The following CARS2 variants were observed in gnomAD, a reference collection of about 807,000 sequenced individuals.
The protein encoded by CARS2 is cysteinyl-tRNA synthetase 2, mitochondrial.
A neutral mutation model predicts 68.8 loss-of-function variants in CARS2; 52 were observed. That is an observed-to-expected ratio of 0.76 (90% CI 0.61 to 0.95). CARS2 has a LOEUF of 0.95. CARS2 is among the 40% of genes least tolerant of loss of function. CARS2 has a pLI of 0.00. For synonymous variants in CARS2, 314 were observed against 303.6 expected, an observed-to-expected ratio of 1.03 and a Z score of -0.36; for missense variants, 780 against 754.2, an observed-to-expected ratio of 1.03 and a Z score of -0.40.
chr13:110,661,533 T>C lies in CARS2; in HGVS notation c.987+1918A>G, dbSNP rs573240939. On this transcript the variant is annotated intron_variant, in intron 9 of 14. Transcript: ENST00000257347. ...TAAGGTTGTTTTGCTTGCTAATCAT[T>C]CGTGTGTTCGCTGGAATAGCACTTT... Among the ~76,000 whole-genome samples the C allele has an allele frequency of 3.3e-5, 5 of 152,392 alleles. No individual in the cohort carries two copies. The East Asian group carries it at 9.6e-4, about 29-fold the overall frequency.
At chr13:110,650,764 C>T (rs758177695) in intron 10 of CARS2, 36 of 395,668 alleles carry the variant, frequency 9.1e-5, no homozygotes, top group Middle Eastern at 6.6e-4. Flanking sequence ...CGAGGTGCTG[C>T]GGGTTCACGA....
In CARS2 at chr13:110,651,110, C is replaced by T. The variant is rs568891064; in HGVS notation, c.988-10G>A. 7.5e-5 allele frequency: 120 copies of T among 1,609,306 alleles called. No individual in the cohort carries two copies. In the South Asian group the frequency reaches 7.9e-4, roughly 11 times the overall value. On this transcript the variant is annotated splice_polypyrimidine_tract_variant and intron_variant, in intron 9 of 14. Transcript: ENST00000257347. ...AGGTCTTCAGAAAGTCCTGGTAAAGCGAGAGACAGGCAGTCACGAGGCTTT... is the reference window on the plus strand; with the variant it reads ...AGGTCTTCAGAAAGTCCTGGTAAAGTGAGAGACAGGCAGTCACGAGGCTTT...
intron 8 of CARS2, chr13:110,663,995 C>G: frequency 1.0e-6 from 1 of 987,808 alleles, no homozygotes; most frequent in Middle Eastern, 5.2e-4. Flanking sequence ...AATCAGAGGT[C>G]CTGTTGCAGT....
chr13:110,705,980 G>C lies in CARS2; in HGVS notation c.114C>G (p.Arg38=). 1.3e-6 allele frequency: 2 copies of C among 1,509,054 alleles called. No individual in the cohort carries two copies. The highest frequency in any genetic ancestry group is 2.5e-5 in the South Asian group (2 of 80,472). 93.5% of individuals were successfully genotyped at this position (1,509,054 alleles called of 1,614,324 possible). ...CCGTGGGCTGCAGCCAGGCCCGCCC[G>C]CGCCCCCCGCTCGCCGCCCGGCCCG... ...WPAGRAASGG[R]GRAWLQPTGR... Residue 38 remains arginine, a synonymous_variant, in exon 1 of 15, where the codon CGC becomes CGG. Transcript: ENST00000257347. The surrounding 1 kb of genome is among the most constrained non-coding windows in gnomAD (Gnocchi z 4.0).
Position 110,646,378 on chromosome 13 carries a change from T to C in CARS2, c.1194-288A>G, listed in dbSNP as rs376626294. The stretch of plus-strand genomic sequence containing the variant: ...TGATGGTTTTAAAAATCAATAGATA[T>C]TGAGGGGAGTGGCAAGGAAGACTCG... On this transcript the variant is annotated intron_variant, in intron 11 of 14. Coordinates refer to ENST00000257347, the MANE Select transcript of CARS2 (RefSeq NM_024537.4). The C allele has an allele frequency of 1.1e-4, 27 of 253,550 alleles. No individual in the cohort carries two copies. The East Asian group carries it at 2.0e-3, about 19-fold the overall frequency. The allele number at this position is 253,550 out of a possible 1,614,324, so 15.7% of individuals were successfully genotyped here.
Position 110,642,466 on chromosome 13 carries a change from A to G in CARS2, c.1472T>C (p.Val491Ala), listed in dbSNP as rs760155305. 2.5e-6 allele frequency: 4 copies of G among 1,609,592 alleles called. No homozygotes were observed. The highest frequency in any genetic ancestry group is 1.1e-5 in the South Asian group (1 of 90,318). The change falls in exon 14 of 15, where the codon GTG becomes GCG. Residue 491 changes from valine to alanine, a missense_variant. Transcript: ENST00000257347. ...ATLHGVVDEL[V>A]RFRQKVRQFA... The stretch of plus-strand genomic sequence containing the variant: ...CTGCCGGACCTTCTGCCGGAACCGC[A>G]CCAGCTCGTCCACCACACCATGCAA...
rs1283128812 is a variant in CARS2, at chr13:110,706,063, C to A, written c.31G>T (p.Gly11Cys). The A allele has an allele frequency of 1.5e-6, 2 of 1,356,844 alleles. No homozygotes were observed. The highest frequency in any genetic ancestry group is 1.9e-6 in the Non-Finnish European group (2 of 1,055,766). The allele number at this position is 1,356,844 out of a possible 1,614,324, so 84.1% of individuals were successfully genotyped here. MLRTTRGPGL[G>C]PPLLQAALGL... ...AGCGCGGCCTGGAGCAGCGGGGGGC[C>A]CAGGCCTGGGCCGCGCGTAGTCCTC... is the stretch of plus-strand genomic sequence containing the variant. Residue 11 changes from glycine (G) to cysteine (C), a missense_variant, in exon 1 of 15, where the codon GGC becomes TGC. Gly to Cys is a radical substitution (Grantham distance 159). Coordinates refer to ENST00000257347, the MANE Select transcript of CARS2 (RefSeq NM_024537.4).
chr13:110,666,138 G>A (rs1375154736), intron 8 of CARS2: 3 of 985,202 alleles, frequency 3.0e-6, no homozygotes, highest in Non-Finnish European at 3.6e-6. Flanking sequence ...TGGAGTGCAG[G>A]CCCCCGGCTG....
At position 110,664,868 on chromosome 13, in the gene CARS2, C is replaced by G. The variant is rs535317532; in HGVS notation, c.920-1350G>C. ...GTCTACAAATGGGAAGCAGGCCCTC[C>G]CGAGACACCGAGTCTGCCAGTGCGC... On this transcript the variant is annotated intron_variant, in intron 8 of 14. Coordinates refer to ENST00000257347, the MANE Select transcript of CARS2 (RefSeq NM_024537.4). 8.9e-5 allele frequency: 42 copies of G among 472,882 alleles called. No homozygotes were observed. In the South Asian group the frequency reaches 1.5e-3, roughly 17 times the overall value. 29.3% of individuals were successfully genotyped at this position (472,882 alleles called of 1,614,324 possible).
chr13:110,704,310 G>T (rs2063875925), intron 2 of CARS2, among the ~76,000 whole-genome samples: 1 of 152,146 alleles, frequency 6.6e-6, no homozygotes, highest in African/African-American at 2.4e-5. Flanking sequence ...TTTCCAGGGT[G>T]GGGGTTTTGT....
rs1193308553 is a variant in CARS2, at chr13:110,712,849, C to G, written n.399+288G>C. The G allele has an allele frequency of 4.5e-6, 5 of 1,121,632 alleles. No homozygotes were observed. The East Asian group carries it at 1.0e-4, about 23-fold the overall frequency. 69.5% of individuals were successfully genotyped at this position (1,121,632 alleles called of 1,614,324 possible). On this transcript the variant is annotated intron_variant and non_coding_transcript_variant, in intron 1 of 2. Transcript: ENST00000485188. ...CGGCACTAGGAAGCAGCTTCCCTCT[C>G]AGGCCCCTTTGTCTCCAAGCCGTTC...
intron 9 of CARS2, among the ~76,000 whole-genome samples, chr13:110,656,191 T>C (rs996872273): frequency 3.3e-5 from 5 of 152,170 alleles, no homozygotes; most frequent in Admixed American, 6.5e-5. Context: ...TAATCCCAGC[T>C]ACCTGGGAGG....
At chr13:110,669,999 C>A (rs565633569) in intron 7 of CARS2, among the ~76,000 whole-genome samples, 4 of 152,156 alleles carry the variant, frequency 2.6e-5, no homozygotes, top group Admixed American at 2.6e-4. Context: ...AAGGCGGCAG[C>A]GAGGCTGGGG....
At chr13:110,641,759 C>T in intron 14 of CARS2, 151 bp from the exon 15 acceptor site, 2 of 701,582 alleles carry the variant, frequency 2.9e-6, no homozygotes, top group Non-Finnish European at 5.1e-6. Flanking sequence ...CCACTACCTC[C>T]AGCAGAAGGC....
At chr13:110,692,831 G>C (rs1469632356) in intron 3 of CARS2, among the ~76,000 whole-genome samples, 1 of 151,904 alleles carries the variant, frequency 6.6e-6, no homozygotes, top group Non-Finnish European at 1.5e-5. Context: ...GAATTAATTG[G>C]CTGGGCGCTG....
Position 110,677,069 on chromosome 13 carries a change from G to T in CARS2, c.690C>A (p.Ala230=), listed in dbSNP as rs759491410. ...DSDKRHASDF[A]LWKAAKPQEV... ...CCTGGGGTTTGGCCGCCTTCCACAG[G>T]GCGAAGTCACTGGCATGACGCTTGT... The change falls in exon 7 of 15, where the codon GCC becomes GCA. Residue 230 remains alanine, a synonymous_variant. Coordinates refer to ENST00000257347, the MANE Select transcript of CARS2 (RefSeq NM_024537.4). 6.2e-7 allele frequency: 1 copy of T among 1,610,458 alleles called. No individual in the cohort carries two copies. The highest frequency in any genetic ancestry group is 1.1e-5 in the South Asian group (1 of 90,850).
intron 12 of CARS2, 87 bp from the exon 13 acceptor site, chr13:110,644,570 TC>T: frequency 2.2e-5 from 34 of 1,571,206 alleles, no homozygotes; most frequent in Non-Finnish European, 2.9e-5. Context: ...GACAAAGGCT[TC>T]AGCAGGTCAC....
In CARS2 at chr13:110,666,284, C is replaced by T. The variant is rs185699166; in HGVS notation, c.919+1056G>A. ...AGGCGTTTGTTCTGATTAGAAACTC[C>T]ACCGACACCGGAATAAAGTGGATTT... On this transcript the variant is annotated intron_variant, in intron 8 of 14. Coordinates refer to ENST00000257347, the MANE Select transcript of CARS2 (RefSeq NM_024537.4). The T allele has an allele frequency of 1.8e-5, 18 of 985,408 alleles. No homozygotes were observed. In the East Asian group the frequency reaches 2.0e-3, roughly 112 times the overall value. The allele number at this position is 985,408 out of a possible 1,614,324, so 61.0% of individuals were successfully genotyped here.
intron 2 of CARS2, among the ~76,000 whole-genome samples, chr13:110,702,057 T>C (rs572634911): frequency 1.3e-5 from 2 of 152,350 alleles, no homozygotes; most frequent in African/African-American, 4.8e-5. Flanking sequence ...ATTTATATAC[T>C]ACACTGGGGT....
Sources: allele counts gnomAD v4.1 joint callset (sites outside exome capture counted in the v4.1 genomes callset), GRCh38; gene constraint gnomAD v4.1.1; non-coding constraint Gnocchi (gnomAD v3.1); transcripts MANE v1.5; gene names NCBI Gene and HGNC (gene_info 2026-07-23, HGNC 2026-07-21).